Variants in BAZ2B observed in about 807,000 individuals in gnomAD.
The protein encoded by BAZ2B is bromodomain adjacent to zinc finger domain protein 2B.
BAZ2B carries 91 observed loss-of-function variants against 246.0 expected under a neutral mutation model. That is an observed-to-expected ratio of 0.37 (90% CI 0.31 to 0.44). BAZ2B has a LOEUF of 0.44. Ranked by LOEUF, BAZ2B falls within the 20% of genes least tolerant of loss-of-function variation. The probability of loss-of-function intolerance (pLI) is 1.00; values close to 1 mark genes in which losing one functional copy is unlikely to be tolerated. For missense variants in BAZ2B, 2,332 were observed against 2,533.7 expected (o/e 0.92, Z 1.71); for synonymous variants, 855 against 860.0 (o/e 0.99, Z 0.10).
intron 6 of BAZ2B, among the ~76,000 whole-genome samples, chr2:159,446,531 C>T (rs542712872): frequency 6.6e-6 from 1 of 152,284 alleles, no homozygotes; most frequent in African/African-American, 2.4e-5. Flanking sequence ...ATTTCGGATA[C>T]AGGGAAGAGT....
intron 34 of BAZ2B, among the ~76,000 whole-genome samples, chr2:159,327,440 A>C (rs1379900417): frequency 1.3e-5 from 2 of 152,222 alleles, no homozygotes; most frequent in Non-Finnish European, 1.5e-5. Context: ...TCACCATATG[A>C]TATCAAAGAA....
chr2:159,401,047 TA>T (rs112642791), intron 16 of BAZ2B, among the ~76,000 whole-genome samples: 122 of 135,756 alleles, frequency 9.0e-4, no homozygotes, highest in Middle Eastern at 3.7e-3. Flanking sequence ...CGTCTCAAAA[TA>T]AAAAAAAAAA....
At chr2:159,643,561 T>A in the BAZ2B span, among the ~76,000 whole-genome samples, 69,337 of 151,862 alleles carry the variant, frequency 0.46, 16,687 homozygotes, top group Middle Eastern at 0.64. Flanking sequence ...ACCCTTCTCA[T>A]ATGCAAAATA....
the BAZ2B span, among the ~76,000 whole-genome samples, chr2:159,629,002 G>A: frequency 6.6e-6 from 1 of 152,066 alleles, no homozygotes; most frequent in South Asian, 2.1e-4. Flanking sequence ...TCAAAAAGTG[G>A]GGTGGGTGAA....
At chr2:159,697,139 AG>A in the BAZ2B span, among the ~76,000 whole-genome samples, 1 of 152,146 alleles carries the variant, frequency 6.6e-6, no homozygotes, top group Non-Finnish European at 1.5e-5. Flanking sequence ...AGGATGTGTG[AG>A]GATTTTCAGA....
intron 2 of BAZ2B, among the ~76,000 whole-genome samples, chr2:159,553,996 G>C (rs778133618): frequency 3.3e-5 from 5 of 152,030 alleles, no homozygotes; most frequent in Non-Finnish European, 7.4e-5. Context: ...CTGAATCAAT[G>C]TTGAAATCTA....
intron 1 of BAZ2B, among the ~76,000 whole-genome samples, chr2:159,587,241 G>A (rs576788953): frequency 1.4e-4 from 21 of 151,992 alleles, no homozygotes; most frequent in Non-Finnish European, 2.9e-4. Flanking sequence ...ACCACGCCTG[G>A]CTAATTTTTT....
chr2:159,464,407 G>A (rs2076787317), intron 3 of BAZ2B: 1 of 152,170 alleles, frequency 6.6e-6, no homozygotes, highest in Non-Finnish European at 1.5e-5. Flanking sequence ...GTGTTCTCAT[G>A]ATTAGAAGAG....
At position 159,614,373 on chromosome 2, in the gene BAZ2B, T is replaced by G. The variant is rs141489558; in HGVS notation, c.-46+1869A>C. Among the ~76,000 whole-genome samples, 3 of 152,298 alleles carry G rather than the reference T, an allele frequency of 2.0e-5. No homozygotes were observed. The East Asian group carries it at 5.8e-4, about 29-fold the overall frequency. ...CTTAAATACTCAATAATTGTTTGAC[T>G]TAATATCTGCTACTAAATTTTAAAG... On this transcript the variant is annotated intron_variant, in intron 1 of 36. Coordinates refer to ENST00000392783, the MANE Select transcript of BAZ2B (RefSeq NM_013450.4).
chr2:159,476,017 G>A (rs1433964163), intron 3 of BAZ2B, among the ~76,000 whole-genome samples: 5 of 152,164 alleles, frequency 3.3e-5, no homozygotes, highest in Non-Finnish European at 7.3e-5. Flanking sequence ...ATACACGGGG[G>A]TCAGGGACCC....
chr2:159,434,950 A>G (rs2071916895), intron 8 of BAZ2B: 3 of 152,088 alleles, frequency 2.0e-5, no homozygotes, highest in African/African-American at 7.2e-5. Context: ...TTAAGCTACT[A>G]TAATTAAAAT....
intron 2 of BAZ2B, among the ~76,000 whole-genome samples, chr2:159,533,260 T>C (rs13393680): frequency 0.026 from 4,025 of 152,254 alleles, 182 homozygotes; most frequent in African/African-American, 0.092. Context: ...ATAGGCCTGA[T>C]ACATAATCCT....
At chr2:159,593,541 T>C (rs1210718811) in intron 1 of BAZ2B, among the ~76,000 whole-genome samples, 1 of 152,186 alleles carries the variant, frequency 6.6e-6, no homozygotes, top group Non-Finnish European at 1.5e-5. Flanking sequence ...TTACGAGCAG[T>C]TGGCCAACGT....
intron 20 of BAZ2B, among the ~76,000 whole-genome samples, 153 bp from the exon 21 acceptor site, chr2:159,389,638 C>T (rs1289106348): frequency 2.0e-5 from 3 of 152,034 alleles, no homozygotes; most frequent in Admixed American, 1.3e-4. Flanking sequence ...TATTTAATAT[C>T]AATATTAGAT....
At chr2:159,584,311 G>A (rs1459773999) in intron 1 of BAZ2B, among the ~76,000 whole-genome samples, 13 of 152,050 alleles carry the variant, frequency 8.5e-5, no homozygotes, top group African/African-American at 2.9e-4. Flanking sequence ...TAGCAGAGAC[G>A]CGGTTTCACC....
chr2:159,505,511 T>C (rs1425931328), intron 2 of BAZ2B, among the ~76,000 whole-genome samples: 5 of 152,216 alleles, frequency 3.3e-5, no homozygotes, highest in East Asian at 1.9e-4. Context: ...TGCCAGATTA[T>C]GTCAATTTTG....
intron 3 of BAZ2B, among the ~76,000 whole-genome samples, chr2:159,475,156 T>G (rs999099206): frequency 6.6e-6 from 1 of 152,216 alleles, no homozygotes. Flanking sequence ...GTTTTCCAAC[T>G]TGGTTCCGTT....
chr2:159,625,777 C>T, the BAZ2B span, among the ~76,000 whole-genome samples: 12 of 152,098 alleles, frequency 7.9e-5, no homozygotes, highest in East Asian at 1.2e-3. Context: ...AACGAACAGG[C>T]GAAACAACCA....
intron 9 of BAZ2B, 83 bp from the exon 10 acceptor site, chr2:159,431,239 G>GGAACC: frequency 6.7e-7 from 1 of 1,490,532 alleles, no homozygotes; most frequent in Non-Finnish European, 8.9e-7. Flanking sequence ...GACTAGCTCA[G>GGAACC]GAACCAGCAC....
Sources: allele counts gnomAD v4.1 joint callset (sites outside exome capture counted in the v4.1 genomes callset), GRCh38; gene constraint gnomAD v4.1.1; transcripts MANE v1.5; gene names NCBI Gene and HGNC (gene_info 2026-07-23, HGNC 2026-07-21).